The following RHOT1 variants were observed in gnomAD, a reference collection of about 807,000 sequenced individuals.
The protein encoded by RHOT1 is ras homolog family member T1.
Under a neutral mutation model 95.3 loss-of-function variants are expected in RHOT1, and 27 were observed. The ratio of observed to expected loss-of-function variants is 0.28; its 90% CI spans 0.21 to 0.39. The LOEUF (loss-of-function observed/expected upper bound fraction) is 0.39, where lower values mean the gene tolerates loss of function less well. Ranked by LOEUF, RHOT1 falls within the 10% of genes least tolerant of loss-of-function variation. The probability of loss-of-function intolerance (pLI) is 1.00; values close to 1 mark genes in which losing one functional copy is unlikely to be tolerated. For synonymous variants in RHOT1, 227 were observed against 263.5 expected (o/e 0.86, Z 1.34); for missense variants, 578 against 786.7 (o/e 0.73, Z 3.17).
Position 32,206,990 on chromosome 17 carries a change from C to T in RHOT1, c.1497C>T (p.Ser499=). The change falls in exon 17 of 20, where the codon AGC becomes AGT. Residue 499 remains serine (S), a synonymous_variant. Coordinates refer to ENST00000545287, the MANE Select transcript of RHOT1 (RefSeq NM_001033566.3). ...TTGTATGCCTGGTATATGATGTCAG[C>T]AATCCCAAATCCTTTGAATACTGTG... ...CDVVCLVYDV[S]NPKSFEYCAR... 1 of 1,613,006 alleles carries T rather than the reference C, an allele frequency of 6.2e-7. No homozygotes were observed. Among genetic ancestry groups the T allele is most frequent in the Non-Finnish European group, 8.5e-7 (1 of 1,179,454 alleles).
chr17:32,169,312 C>T (rs1231471657), intron 1 of RHOT1, among the ~76,000 whole-genome samples: 1 of 152,112 alleles, frequency 6.6e-6, no homozygotes, highest in Admixed American at 6.6e-5. Context: ...GGACTGTTTT[C>T]CTCTAGATTC....
intron 6 of RHOT1, among the ~76,000 whole-genome samples, chr17:32,177,097 A>G (rs1182684438): frequency 6.6e-6 from 1 of 152,314 alleles, no homozygotes; most frequent in Admixed American, 6.5e-5. Context: ...GTGGCATTGT[A>G]TGGCTTCTCT....
At position 32,199,453 on chromosome 17, in the gene RHOT1, G is replaced by T. The variant is rs373012040; in HGVS notation, c.1003G>T (p.Val335Phe). ...SPDELKDLFKVFPYIPWGPDV... is the reference protein window; with the variant it reads ...SPDELKDLFKFFPYIPWGPDV... ...TGATGAGCTTAAAGATTTATTTAAA[G>T]TTTTCCCTTACATACCTTGGGGGCC... Residue 335 changes from valine (V) to phenylalanine (F), a missense_variant, in exon 13 of 20, where the codon GTT (valine) becomes TTT (phenylalanine). Transcript: ENST00000545287. 1 of 1,613,296 alleles carries T rather than the reference G, an allele frequency of 6.2e-7. No homozygotes were observed. Among genetic ancestry groups the T allele is most frequent in the Non-Finnish European group, 8.5e-7 (1 of 1,179,696 alleles).
chr17:32,175,439 CTCTT>C, intron 4 of RHOT1, 77 bp downstream of exon 4: 3 of 1,330,258 alleles, frequency 2.3e-6, no homozygotes, highest in Non-Finnish European at 3.2e-6. Flanking sequence ...CTTTTTCATT[CTCTT>C]TGTTTGTTGG....
intron 1 of RHOT1, among the ~76,000 whole-genome samples, chr17:32,146,361 G>T (rs2031320956): frequency 6.6e-6 from 1 of 152,088 alleles, no homozygotes; most frequent in South Asian, 2.1e-4. Context: ...AGCTAGTTCA[G>T]TTTGTTTAGA....
At chr17:32,151,040 T>G (rs1204332042) in intron 1 of RHOT1, 2 of 1,432,016 alleles carry the variant, frequency 1.4e-6, no homozygotes, top group African/African-American at 1.4e-5. Flanking sequence ...GAGGGGAGAT[T>G]GTGGTCTGTT....
intron 16 of RHOT1, among the ~76,000 whole-genome samples, chr17:32,205,327 T>C (rs1275843859): frequency 1.3e-5 from 2 of 152,178 alleles, no homozygotes; most frequent in East Asian, 1.9e-4. Context: ...GTTTCATCCA[T>C]GTCCCTGCAA....
At chr17:32,157,646 A>G (rs2033098420) in intron 1 of RHOT1, among the ~76,000 whole-genome samples, 1 of 152,086 alleles carries the variant, frequency 6.6e-6, no homozygotes, top group Admixed American at 6.6e-5. Context: ...TCTACTAAAA[A>G]TGCAAAAATT....
rs142817466 is a variant in RHOT1 at position 32,165,716 on chromosome 17, T to C, written c.38-5327T>C. On this transcript the variant is annotated intron_variant, in intron 1 of 19. Transcript: ENST00000545287. ...ATCATTTTTAGAAGTAAAATGGAAC[T>C]TGAACCTCCAAATAATGACAAACCA... Among the ~76,000 whole-genome samples, 718 of 152,270 alleles carry C rather than the reference T, an allele frequency of 4.7e-3. 7 individuals are homozygous for C. The highest frequency in any genetic ancestry group is 0.017 in the African/African-American group (690 of 41,532).
chr17:32,223,256 G>C (rs1291205269), intron 19 of RHOT1, among the ~76,000 whole-genome samples: 1 of 151,966 alleles, frequency 6.6e-6, no homozygotes, highest in African/African-American at 2.4e-5. Flanking sequence ...AAGTAGTTTT[G>C]TGCAGTTTGA....
At chr17:32,211,268 C>A in intron 19 of RHOT1, 30 bp downstream of exon 19, 1 of 1,560,002 alleles carries the variant, frequency 6.4e-7, no homozygotes, top group South Asian at 1.2e-5. Flanking sequence ...GGGTACCAGG[C>A]ATTCTGTTAA....
intron 1 of RHOT1, among the ~76,000 whole-genome samples, chr17:32,165,946 A>C (rs1451620831): frequency 6.6e-6 from 1 of 152,130 alleles, no homozygotes. Context: ...GCATTTTGGG[A>C]TGCCAAGATG....
intron 8 of RHOT1, among the ~76,000 whole-genome samples, chr17:32,188,357 C>T (rs2036214423): frequency 6.6e-6 from 1 of 152,136 alleles, no homozygotes; most frequent in East Asian, 1.9e-4. Context: ...TTCCATTAAC[C>T]TTCAATTGGA....
In RHOT1 at chr17:32,202,753, A is replaced by C; in HGVS notation, c.1202-17A>C. The stretch of plus-strand genomic sequence containing the variant: ...TGGTACATATTTAGTGGGGTTTTTT[A>C]TTATTATTATTTTTAGTGACAAGAG... On this transcript the variant is annotated splice_polypyrimidine_tract_variant and intron_variant, in intron 14 of 19. Coordinates refer to ENST00000545287, the MANE Select transcript of RHOT1 (RefSeq NM_001033566.3). 5 of 1,534,080 alleles carry C rather than the reference A, an allele frequency of 3.3e-6. No individual in the cohort carries two copies. Among genetic ancestry groups the C allele is most frequent in the Non-Finnish European group, 4.4e-6 (5 of 1,130,818 alleles).
chr17:32,193,209 G>A lies in RHOT1; in HGVS notation c.713G>A (p.Ser238Asn), dbSNP rs766445757. ...DVKNVVRKHI[S>N]DGVADSGLTL... ...AAGAATGTAGTCAGAAAACATATAAGTGATGGTGTGGCTGACAGTGGGTTG... is the reference window on the plus strand; with the variant it reads ...AAGAATGTAGTCAGAAAACATATAAATGATGGTGTGGCTGACAGTGGGTTG... Residue 238 changes from serine to asparagine, a missense_variant, in exon 10 of 20, where the codon AGT becomes AAT. Coordinates refer to ENST00000545287, the MANE Select transcript of RHOT1 (RefSeq NM_001033566.3). The A allele has an allele frequency of 6.2e-7, 1 of 1,613,592 alleles. No individual in the cohort carries two copies. Among genetic ancestry groups the A allele is most frequent in the Admixed American group, 1.7e-5 (1 of 60,002 alleles).
In RHOT1 at chr17:32,194,036, T is replaced by C; in HGVS notation, c.798T>C (p.Thr266=). The C allele has an allele frequency of 6.2e-7, 1 of 1,614,170 alleles. No homozygotes were observed. Among genetic ancestry groups the C allele is most frequent in the Non-Finnish European group, 8.5e-7 (1 of 1,179,990 alleles). ...TLFIQRGRHE[T]TWTVLRRFGY... ...TTATCCAGAGAGGGAGACACGAAAC[T>C]ACTTGGACTGTGCTTCGACGATTTG... The change falls in exon 11 of 20, where the codon ACT becomes ACC. Residue 266 remains threonine (T), a synonymous_variant. Coordinates refer to ENST00000545287, the MANE Select transcript of RHOT1 (RefSeq NM_001033566.3).
At chr17:32,213,412 A>G (rs2038260292) in intron 19 of RHOT1, among the ~76,000 whole-genome samples, 1 of 152,204 alleles carries the variant, frequency 6.6e-6, no homozygotes. Flanking sequence ...AGAGTGCTAA[A>G]CTGAGCAAGC....
chr17:32,179,033 C>G (rs1184666469), intron 6 of RHOT1: 2 of 151,378 alleles, frequency 1.3e-5, no homozygotes, highest in Non-Finnish European at 2.9e-5. Flanking sequence ...GCCTGGCCGC[C>G]CCGTCTGGGA....
chr17:32,211,747 T>C (rs1225083768), intron 19 of RHOT1, among the ~76,000 whole-genome samples: 1 of 152,198 alleles, frequency 6.6e-6, no homozygotes, highest in African/African-American at 2.4e-5. Context: ...GGAGTGTTTA[T>C]TTGAAAGAAC....
Sources: allele counts gnomAD v4.1 joint callset (sites outside exome capture counted in the v4.1 genomes callset), GRCh38; gene constraint gnomAD v4.1.1; transcripts MANE v1.5; gene names NCBI Gene and HGNC (gene_info 2026-07-23, HGNC 2026-07-21).